The following EEA1 variants were observed in gnomAD, a reference collection of about 807,000 sequenced individuals.
EEA1 encodes early endosome antigen 1, 162kD.
Under a neutral mutation model 209.2 loss-of-function variants are expected in EEA1, and 111 were observed. The ratio of observed to expected loss-of-function variants is 0.53; its 90% CI spans 0.45 to 0.62. The LOEUF (loss-of-function observed/expected upper bound fraction) is 0.62. Ranked by LOEUF, EEA1 falls within the 20% of genes least tolerant of loss-of-function variation. The pLI, the probability that EEA1 is intolerant of heterozygous loss-of-function variation, is 0.00. For synonymous variants in EEA1, 536 were observed against 540.6 expected, an observed-to-expected ratio of 0.99 and a Z score of 0.12; for missense variants, 1,343 against 1,530.8, an observed-to-expected ratio of 0.88 and a Z score of 2.05.
At chr12:92,789,107 T>C (rs1296030197) in intron 21 of EEA1, among the ~76,000 whole-genome samples, 7 of 151,788 alleles carry the variant, frequency 4.6e-5, no homozygotes, top group African/African-American at 1.5e-4. Flanking sequence ...CTGACCAACA[T>C]GGTGAAACCC....
chr12:92,795,265 A>G (rs1403483250), intron 21 of EEA1, among the ~76,000 whole-genome samples: 1 of 152,186 alleles, frequency 6.6e-6, no homozygotes, highest in Non-Finnish European at 1.5e-5. Context: ...TGTTTTTAGA[A>G]AATACCAACA....
At chr12:92,797,013 A>C (rs1486678483) in intron 21 of EEA1, among the ~76,000 whole-genome samples, 1 of 152,214 alleles carries the variant, frequency 6.6e-6, no homozygotes, top group East Asian at 1.9e-4. Flanking sequence ...TAGATTACTT[A>C]CAATACCTAA....
chr12:92,804,519 C>A (rs539894697), intron 18 of EEA1, among the ~76,000 whole-genome samples: 18 of 148,662 alleles, frequency 1.2e-4, no homozygotes, highest in African/African-American at 4.5e-4. Flanking sequence ...TTGCAGTGAG[C>A]CGAGATCACG....
At chr12:92,927,896 T>C (rs1456567325) in intron 1 of EEA1, among the ~76,000 whole-genome samples, 1 of 152,236 alleles carries the variant, frequency 6.6e-6, no homozygotes, top group East Asian at 1.9e-4. Context: ...TTTCTCCCTC[T>C]AATAACTGAC....
intron 3 of EEA1, among the ~76,000 whole-genome samples, chr12:92,861,247 G>A (rs924349237): frequency 6.6e-6 from 1 of 152,176 alleles, no homozygotes; most frequent in Admixed American, 6.5e-5. Flanking sequence ...CCTGAGGTCA[G>A]GAGTTCGAGA....
At chr12:92,870,184 A>C (rs1878577611) in intron 2 of EEA1, among the ~76,000 whole-genome samples, 1 of 152,162 alleles carries the variant, frequency 6.6e-6, no homozygotes, top group Admixed American at 6.5e-5. Context: ...CATAAAAGGT[A>C]CTCCATTAAT....
intron 21 of EEA1, among the ~76,000 whole-genome samples, chr12:92,789,711 A>T (rs1874310844): frequency 1.3e-5 from 2 of 152,218 alleles, no homozygotes; most frequent in Admixed American, 6.5e-5. Context: ...AGCAAAAGGC[A>T]GCAGACAACT....
chr12:92,775,249 G>A lies in EEA1; in HGVS notation c.*762C>T, dbSNP rs1873607124. The A allele has an allele frequency of 6.6e-6, 1 of 151,698 alleles. No individual in the cohort carries two copies. The highest frequency in any genetic ancestry group is 2.1e-4 in the South Asian group (1 of 4,834). The allele number at this position is 151,698 out of a possible 1,614,324, so 9.4% of individuals were successfully genotyped here. ...GATTCTAAATGGACAATGCGTGGGA[G>A]TTTAAGAAAGAGACAGAAAAAGACA... On this transcript the variant is annotated 3_prime_UTR_variant, in exon 29 of 29. Transcript: ENST00000322349.
At chr12:92,924,461 A>G (rs1881133558) in intron 1 of EEA1, among the ~76,000 whole-genome samples, 1 of 152,038 alleles carries the variant, frequency 6.6e-6, no homozygotes, top group Non-Finnish European at 1.5e-5. Flanking sequence ...CACCCACCTC[A>G]GCCTCCCAAA....
At chr12:92,822,624 C>T (rs962058308) in intron 13 of EEA1, among the ~76,000 whole-genome samples, 1 of 152,140 alleles carries the variant, frequency 6.6e-6, no homozygotes, top group Admixed American at 6.5e-5. Context: ...TTGGGCTGCT[C>T]TTCTTCTACC....
chr12:92,811,582 T>G, intron 16 of EEA1, 148 bp from the exon 17 acceptor site: 1 of 459,182 alleles, frequency 2.2e-6, no homozygotes, highest in South Asian at 7.8e-5. Flanking sequence ...TATCAGAGGC[T>G]ATACTTACCT....
At chr12:92,828,831 C>T (rs550759885) in intron 11 of EEA1, among the ~76,000 whole-genome samples, 5 of 152,174 alleles carry the variant, frequency 3.3e-5, no homozygotes, top group South Asian at 2.1e-4. Context: ...CATCTGCTTT[C>T]GAACTGCCAC....
chr12:92,859,839 T>C (rs1384387926), intron 3 of EEA1, among the ~76,000 whole-genome samples: 4 of 152,222 alleles, frequency 2.6e-5, no homozygotes, highest in African/African-American at 9.6e-5. Flanking sequence ...AGCTCTATTA[T>C]GAATGTGAAG....
intron 1 of EEA1, among the ~76,000 whole-genome samples, chr12:92,906,014 C>T (rs1417828980): frequency 6.6e-6 from 1 of 152,050 alleles, no homozygotes; most frequent in Non-Finnish European, 1.5e-5. Context: ...TCAAGCCATC[C>T]TCCCGCCTCA....
At chr12:92,879,810 G>A (rs1879061147) in intron 2 of EEA1, among the ~76,000 whole-genome samples, 1 of 152,210 alleles carries the variant, frequency 6.6e-6, no homozygotes, top group Non-Finnish European at 1.5e-5. Context: ...CTAACCAGAA[G>A]TTTGCCTCCC....
At chr12:92,874,495 A>G (rs1056574752) in intron 2 of EEA1, among the ~76,000 whole-genome samples, 20 of 152,050 alleles carry the variant, frequency 1.3e-4, no homozygotes, top group African/African-American at 4.6e-4. Flanking sequence ...CCTCCCGAGT[A>G]GCTGGGATTA....
intron 13 of EEA1, among the ~76,000 whole-genome samples, chr12:92,825,209 C>T (rs945519278): frequency 2.0e-5 from 3 of 151,828 alleles, no homozygotes; most frequent in African/African-American, 7.3e-5. Context: ...AGCATGAGGT[C>T]GGGAGGACGA....
intron 9 of EEA1, among the ~76,000 whole-genome samples, chr12:92,849,049 T>G (rs1336639080): frequency 6.6e-6 from 1 of 152,160 alleles, no homozygotes; most frequent in South Asian, 2.1e-4. Flanking sequence ...CAAGTAAACA[T>G]GTAAATTTAT....
intron 1 of EEA1, among the ~76,000 whole-genome samples, chr12:92,901,915 G>A (rs1300010035): frequency 6.6e-6 from 1 of 152,018 alleles, no homozygotes; most frequent in Non-Finnish European, 1.5e-5. Flanking sequence ...TTTATTTCAA[G>A]GAGAAGCCCA....
Sources: allele counts gnomAD v4.1 joint callset (sites outside exome capture counted in the v4.1 genomes callset), GRCh38; gene constraint gnomAD v4.1.1; transcripts MANE v1.5; gene names NCBI Gene and HGNC (gene_info 2026-07-23, HGNC 2026-07-21).